DPP8: variants seen among roughly 807,000 people sequenced by gnomAD.
The protein encoded by DPP8 is dipeptidyl peptidase 8.
Under a neutral mutation model 107.5 loss-of-function variants are expected in DPP8, and 31 were observed. The observed-to-expected ratio is 0.29, with a 90% CI of 0.22 to 0.39. The LOEUF (loss-of-function observed/expected upper bound fraction) is 0.39. Ranked by LOEUF, DPP8 falls within the 10% of genes least tolerant of loss-of-function variation. The pLI is 1.00. For missense variants in DPP8, 842 were observed against 1,076.1 expected, an observed-to-expected ratio of 0.78 and a Z score of 3.04; for synonymous variants, 381 against 356.6, an observed-to-expected ratio of 1.07 and a Z score of -0.77.
In DPP8 at chr15:65,444,278, C is replaced by T. The variant is rs2063410624; in HGVS notation, c.*2606G>A. 6.6e-6 allele frequency: 1 copy of T among 152,170 alleles called. No homozygotes were observed. The highest frequency in any genetic ancestry group is 1.5e-5 in the Non-Finnish European group (1 of 68,030). 9.4% of individuals were successfully genotyped at this position (152,170 alleles called of 1,614,324 possible). A position where few individuals can be genotyped will look rare whatever the true frequency, so the allele number is the denominator to read the frequency against. ...CTCTACATTTCTTTTAGAAGTATCC[C>T]AGATGAATCTTAGATTTTGAGTTCC... On this transcript the variant is annotated 3_prime_UTR_variant, in exon 20 of 20. Transcript: ENST00000300141.
intron 1 of DPP8, chr15:65,515,650 G>A (rs775119729): frequency 1.5e-5 from 25 of 1,613,268 alleles, no homozygotes; most frequent in African/African-American, 2.7e-5. Flanking sequence ...TTTCCCTGGT[G>A]CCTACCTGAT....
At chr15:65,466,650 C>G in intron 14 of DPP8, 28 bp downstream of exon 14, 1 of 1,597,946 alleles carries the variant, frequency 6.3e-7, no homozygotes, top group South Asian at 1.1e-5. Context: ...TCCTACTTAA[C>G]GTCAGGATCA....
intron 15 of DPP8, 96 bp from the exon 16 acceptor site, chr15:65,456,467 A>G (rs530817009): frequency 8.3e-7 from 1 of 1,208,576 alleles, no homozygotes; most frequent in South Asian, 1.6e-5. Context: ...TAATTTCACT[A>G]TTATTTTACC....
intron 5 of DPP8, among the ~76,000 whole-genome samples, chr15:65,491,893 C>A (rs937333978): frequency 1.3e-5 from 2 of 152,106 alleles, no homozygotes; most frequent in African/African-American, 4.8e-5. Flanking sequence ...CCACGATGCC[C>A]GGCTAATTTT....
rs2070892526 is a variant in DPP8, at chr15:65,512,322, G to A, written c.232C>T (p.Pro78Ser). The change falls in exon 2 of 20, where the codon CCT becomes TCT. Residue 78 changes from proline (P) to serine (S), a missense_variant. This residue lies in a region of DPP8 where 663 missense variants were observed against 758.0 expected (regional missense o/e 0.87). Transcript: ENST00000300141. ...AGGTAATAGATTCTGTCTGAATGAG[G>A]TCCATCTGGATCATTCCTCTTCACA... ...MFVKRNDPDG[P>S]HSDRIYYLAM... 3 of 1,613,250 alleles carry A rather than the reference G, an allele frequency of 1.9e-6. No homozygotes were observed. The highest frequency in any genetic ancestry group is 1.7e-5 in the Admixed American group (1 of 59,968).
In DPP8 at chr15:65,452,020, T is replaced by C. The variant is rs756745970; in HGVS notation, c.2354A>G (p.Gln785Arg). ...TCCTAAGTAATAGCCCTGTTCATTC[T>C]GGTCAGGGTGACCCATATAACGTTC... ...YTERYMGHPD[Q>R]NEQGYYLGSV... The change falls in exon 18 of 20, where the codon CAG becomes CGG. Residue 785 changes from glutamine to arginine, a missense_variant. Gln to Arg is a conservative substitution (Grantham distance 43, BLOSUM62 1). Coordinates refer to ENST00000300141, the MANE Select transcript of DPP8 (RefSeq NM_130434.5). 1 of 1,613,456 alleles carries C rather than the reference T, an allele frequency of 6.2e-7. No homozygotes were observed. The highest frequency in any genetic ancestry group is 8.5e-7 in the Non-Finnish European group (1 of 1,179,762).
chr15:65,454,936 A>G (rs1567141175), intron 16 of DPP8, among the ~76,000 whole-genome samples: 1 of 152,072 alleles, frequency 6.6e-6, no homozygotes, highest in Non-Finnish European at 1.5e-5. Context: ...TTCTGTTGCT[A>G]GCCTGTCCTA....
chr15:65,474,983 C>G (rs1207401166), intron 11 of DPP8, among the ~76,000 whole-genome samples: 1 of 152,086 alleles, frequency 6.6e-6, no homozygotes, highest in African/African-American at 2.4e-5. Flanking sequence ...ACAAAGAAGT[C>G]TAATGGATTG....
chr15:65,509,901 G>C (rs1185933287), intron 2 of DPP8, among the ~76,000 whole-genome samples: 1 of 152,128 alleles, frequency 6.6e-6, no homozygotes. Flanking sequence ...TGTGCCTATA[G>C]TCCCAGCTAC....
At chr15:65,475,779 GCT>G (rs1324440827) in intron 11 of DPP8, among the ~76,000 whole-genome samples, 1 of 151,998 alleles carries the variant, frequency 6.6e-6, no homozygotes, top group Non-Finnish European at 1.5e-5. Context: ...TTCCTGTTCT[GCT>G]CTGTCGCCCA....
At chr15:65,475,780 C>T (rs1567196149) in intron 11 of DPP8, among the ~76,000 whole-genome samples, 3 of 152,154 alleles carry the variant, frequency 2.0e-5, no homozygotes, top group South Asian at 4.1e-4. Context: ...TCCTGTTCTG[C>T]TCTGTCGCCC....
intron 16 of DPP8, chr15:65,455,904 A>G: frequency 8.4e-7 from 1 of 1,193,394 alleles, no homozygotes; most frequent in Non-Finnish European, 1.1e-6. Flanking sequence ...CTCTTCACAG[A>G]GGACAGAACA....
intron 12 of DPP8, among the ~76,000 whole-genome samples, chr15:65,469,700 G>C (rs1425752664): frequency 6.6e-6 from 1 of 151,040 alleles, no homozygotes; most frequent in Non-Finnish European, 1.5e-5. Flanking sequence ...GCCAAGTGTG[G>C]TAGTGGATGC....
intron 12 of DPP8, among the ~76,000 whole-genome samples, chr15:65,468,379 C>T (rs2065545609): frequency 2.0e-5 from 3 of 151,914 alleles, no homozygotes; most frequent in Admixed American, 2.0e-4. Flanking sequence ...CCTGTAGTCC[C>T]AGCTACTTGG....
At chr15:65,453,726 C>T (rs1228272939) in intron 17 of DPP8, among the ~76,000 whole-genome samples, 1 of 151,114 alleles carries the variant, frequency 6.6e-6, no homozygotes, top group Non-Finnish European at 1.5e-5. Flanking sequence ...CAAAACAAAA[C>T]AAAACAGAAC....
rs368530117 is a variant in DPP8 at position 65,478,977 on chromosome 15, G to A, written c.1359C>T (p.Ala453=). Residue 453 remains alanine, a synonymous_variant, in exon 11 of 20, where the codon GCC becomes GCT. Transcript: ENST00000300141. ...SHEEEIEFIF[A]SECKTGFRHL... is the part of the protein sequence containing the mutation. ...GACGGAAACCTGTTTTGCATTCAGA[G>A]GCAAAAATAAACTCAATTTCCTCTT... The A allele has an allele frequency of 5.0e-6, 8 of 1,588,282 alleles. No individual in the cohort carries two copies. The highest frequency in any genetic ancestry group is 1.7e-4 in the Middle Eastern group (1 of 6,042).
chr15:65,470,832 C>T (rs1236440985), intron 12 of DPP8, among the ~76,000 whole-genome samples: 1 of 150,768 alleles, frequency 6.6e-6, no homozygotes, highest in Non-Finnish European at 1.5e-5. Context: ...AACAGGAGAA[C>T]TGCTTGAACC....
At chr15:65,491,027 AG>A (rs2067975880) in intron 5 of DPP8, among the ~76,000 whole-genome samples, 1 of 151,964 alleles carries the variant, frequency 6.6e-6, no homozygotes, top group African/African-American at 2.4e-5. Context: ...GCATGGTGCC[AG>A]GAGCCTGTAC....
rs58549410 is a variant in DPP8, at chr15:65,448,865, A to AATAT, written c.2527-1863_2527-1860dup. On this transcript the variant is annotated intron_variant, in intron 19 of 19. Transcript: ENST00000300141. ...ATATAAAATATACATATATATCTAAAATATATATATATATATATATATATA... is the reference window on the plus strand; with the variant it reads ...ATATAAAATATACATATATATCTAAAATATATATATATATATATATATATATATA... Among the ~76,000 whole-genome samples, 64 of 53,264 alleles carry AATAT rather than the reference A, an allele frequency of 1.2e-3. 1 individual carries two copies. Among genetic ancestry groups the AATAT allele is most frequent in the Non-Finnish European group, 1.7e-3 (43 of 25,376 alleles). The allele number at this position is 53,264 out of a possible 152,430, so 34.9% of individuals were successfully genotyped here.
Sources: allele counts gnomAD v4.1 joint callset (sites outside exome capture counted in the v4.1 genomes callset), GRCh38; gene constraint gnomAD v4.1.1; regional missense constraint gnomAD v4.1.1; transcripts MANE v1.5; gene names NCBI Gene and HGNC (gene_info 2026-07-23, HGNC 2026-07-21).